The following URB2 variants were observed in gnomAD, a reference collection of about 807,000 sequenced individuals.
URB2 encodes URB2 ribosome biogenesis homolog.
URB2 carries 86 observed loss-of-function variants against 120.9 expected under a neutral mutation model. That is an observed-to-expected ratio of 0.71 (90% confidence interval 0.60 to 0.85). The LOEUF is 0.85. Ranked by LOEUF, URB2 falls within the 40% of genes least tolerant of loss-of-function variation. The pLI, the probability that URB2 is intolerant of heterozygous loss-of-function variation, is 0.00. For missense variants in URB2, 1,765 were observed against 1,836.5 expected (o/e 0.96, Z 0.71); for synonymous variants, 755 against 758.4 (o/e 1.00, Z 0.07).
chr1:229,647,346 C>T (rs1425622182), intron 6 of URB2, among the ~76,000 whole-genome samples, 164 bp from the exon 7 acceptor site: 1 of 152,208 alleles, frequency 6.6e-6, no homozygotes, highest in African/African-American at 2.4e-5. Context: ...TTCACTAGAG[C>T]TGATCTGTAA....
chr1:229,629,870 C>G (rs939011589), intron 2 of URB2, among the ~76,000 whole-genome samples: 1 of 152,254 alleles, frequency 6.6e-6, no homozygotes, highest in African/African-American at 2.4e-5. Context: ...TATTCTCAAT[C>G]CTTTGTTGTC....
At chr1:229,638,998 T>C (rs538202311) in intron 4 of URB2, among the ~76,000 whole-genome samples, 4 of 152,252 alleles carry the variant, frequency 2.6e-5, no homozygotes, top group Non-Finnish European at 4.4e-5. Flanking sequence ...TAAAAAGATA[T>C]GAAAATCTGC....
chr1:229,649,299 C>T (rs1056474863), intron 7 of URB2, among the ~76,000 whole-genome samples: 3 of 152,148 alleles, frequency 2.0e-5, no homozygotes, highest in Non-Finnish European at 4.4e-5. Flanking sequence ...TTAACAATTG[C>T]CTTTGACCCT....
rs201438858 is a variant in URB2, at chr1:229,636,288, A to G, written c.1675A>G (p.Ser559Gly). 9 of 1,614,198 alleles carry G rather than the reference A, an allele frequency of 5.6e-6. No individual in the cohort carries two copies. In the Admixed American group the frequency reaches 1.2e-4, roughly 21 times the overall value. Residue 559 changes from serine (S) to glycine (G), a missense_variant, in exon 4 of 10, where the codon AGC (serine) becomes GGC (glycine). Physicochemically the swap from Ser to Gly is moderately conservative, Grantham distance 56. Coordinates refer to ENST00000258243, the MANE Select transcript of URB2 (RefSeq NM_014777.4). ...IMFNMRSLDS[S>G]TPLPIVRRTQ... ...GTTCAACATGAGGAGCCTGGACAGCAGCACGCCTCTGCCCATTGTCAGACG... is the reference window on the plus strand; with the variant it reads ...GTTCAACATGAGGAGCCTGGACAGCGGCACGCCTCTGCCCATTGTCAGACG...
At chr1:229,628,645 G>C (rs997668854) in intron 2 of URB2, among the ~76,000 whole-genome samples, 3 of 152,144 alleles carry the variant, frequency 2.0e-5, no homozygotes, top group South Asian at 4.1e-4. Context: ...ATAAATTGAA[G>C]GTTGGGAAGT....
rs559975217 is a variant in URB2, at chr1:229,638,709, C to T, written c.3634+462C>T. Among the ~76,000 whole-genome samples the T allele has an allele frequency of 4.5e-4, 69 of 152,174 alleles. 1 individual carries two copies. The highest frequency in any genetic ancestry group is 1.7e-3 in the African/African-American group (69 of 41,516). On this transcript the variant is annotated intron_variant, in intron 4 of 9. Transcript: ENST00000258243. Reference sequence around the variant, plus strand: ...ACCTCCCTTCTAGGCCCAGCACCCACGACTTCATGCCCTCTATTTACATTC... The same window carrying T: ...ACCTCCCTTCTAGGCCCAGCACCCATGACTTCATGCCCTCTATTTACATTC...
chr1:229,654,175 A>G (rs1666347764), intron 8 of URB2, 74 bp from the exon 9 acceptor site: 1 of 1,577,010 alleles, frequency 6.3e-7, no homozygotes, highest in African/African-American at 1.4e-5. Context: ...CACCCATATT[A>G]AAAGTCTAAC....
At chr1:229,627,979 C>T (rs1006490037) in intron 2 of URB2, among the ~76,000 whole-genome samples, 5 of 150,116 alleles carry the variant, frequency 3.3e-5, no homozygotes, top group African/African-American at 1.2e-4. Context: ...AGGTCGGGGA[C>T]AGTGGCTCAT....
At chr1:229,628,025 G>GA (rs1298024932) in intron 2 of URB2, among the ~76,000 whole-genome samples, 1 of 148,718 alleles carries the variant, frequency 6.7e-6, no homozygotes, top group African/African-American at 2.5e-5. Context: ...CAAAGCGGGG[G>GA]ATCGCTTGAG....
chr1:229,643,284 T>G (rs1356744721), intron 4 of URB2, among the ~76,000 whole-genome samples: 1 of 152,256 alleles, frequency 6.6e-6, no homozygotes, highest in African/African-American at 2.4e-5. Context: ...CAGGTTTACC[T>G]CCTAAGCATG....
intron 5 of URB2, among the ~76,000 whole-genome samples, chr1:229,645,392 A>G (rs1266685689): frequency 6.6e-6 from 1 of 152,074 alleles, no homozygotes; most frequent in African/African-American, 2.4e-5. Context: ...TCATGTCAGC[A>G]TGTAGCACCC....
intron 5 of URB2, among the ~76,000 whole-genome samples, chr1:229,645,422 C>T (rs967057181): frequency 2.0e-5 from 3 of 152,142 alleles, no homozygotes; most frequent in African/African-American, 4.8e-5. Context: ...GCACCTAATC[C>T]GATTGTTTTC....
rs1666123313 is a variant in URB2, at chr1:229,645,624, C to T, written c.3796-235C>T. Among the ~76,000 whole-genome samples, 8 of 152,116 alleles carry T rather than the reference C, an allele frequency of 5.3e-5. 1 individual carries two copies. In the South Asian group the frequency reaches 1.7e-3, roughly 32 times the overall value. ...ATTTAGTGAAATGCTGCTGAAAGAC[C>T]CTGACTTTGCCCCAGCTCTGCTCAT... On this transcript the variant is annotated intron_variant, in intron 5 of 9. Coordinates refer to ENST00000258243, the MANE Select transcript of URB2 (RefSeq NM_014777.4).
chr1:229,626,537 T>C (rs1239215169), intron 1 of URB2, among the ~76,000 whole-genome samples, 181 bp downstream of exon 1: 5 of 152,238 alleles, frequency 3.3e-5, no homozygotes, highest in African/African-American at 4.8e-5. Context: ...TTCGGCACGC[T>C]CCATTCGCGA....
At chr1:229,647,264 T>A (rs1047403715) in intron 6 of URB2, among the ~76,000 whole-genome samples, 1 of 152,196 alleles carries the variant, frequency 6.6e-6, no homozygotes, top group Non-Finnish European at 1.5e-5. Context: ...CCAGGTTACT[T>A]AGGTAAGACT....
intron 4 of URB2, 107 bp from the exon 5 acceptor site, chr1:229,643,426 G>T: frequency 7.6e-7 from 1 of 1,311,224 alleles, no homozygotes; most frequent in Non-Finnish European, 1.1e-6. Flanking sequence ...CCCCTAACTT[G>T]GTGATTTTTG....
At chr1:229,646,597 A>G (rs1666150999) in intron 6 of URB2, among the ~76,000 whole-genome samples, 1 of 152,214 alleles carries the variant, frequency 6.6e-6, no homozygotes, top group Admixed American at 6.5e-5. Context: ...TTTAAGGCCT[A>G]TGATACAGTG....
chr1:229,649,475 C>T (rs1482607822), intron 7 of URB2, among the ~76,000 whole-genome samples: 2 of 152,172 alleles, frequency 1.3e-5, no homozygotes, highest in Non-Finnish European at 2.9e-5. Flanking sequence ...GATTCTTCTG[C>T]AAAACCATTA....
chr1:229,642,403 T>G (rs987780820), intron 4 of URB2, among the ~76,000 whole-genome samples: 1 of 152,206 alleles, frequency 6.6e-6, no homozygotes, highest in African/African-American at 2.4e-5. Context: ...GTGGGAGACT[T>G]GGACCTAGGT....
Sources: allele counts gnomAD v4.1 joint callset (sites outside exome capture counted in the v4.1 genomes callset), GRCh38; gene constraint gnomAD v4.1.1; transcripts MANE v1.5; gene names NCBI Gene and HGNC (gene_info 2026-07-23, HGNC 2026-07-21).